Variants in DDIAS observed in about 807,000 individuals in gnomAD.
DDIAS encodes the protein DNA damage-induced apoptosis suppressor protein.
A neutral mutation model predicts 15.7 loss-of-function variants in DDIAS; 14 were observed. That is an observed-to-expected ratio of 0.89 (90% CI 0.59 to 1.39). The LOEUF (loss-of-function observed/expected upper bound fraction) is 1.39, where lower values mean the gene tolerates loss of function less well. Ranked by LOEUF, DDIAS falls within the 40% of genes most tolerant of loss-of-function variation. The pLI, the probability that DDIAS is intolerant of heterozygous loss-of-function variation, is 0.00. For synonymous variants in DDIAS, 355 were observed against 395.9 expected (o/e 0.90, Z 1.23); for missense variants, 1,035 against 1,130.9 (o/e 0.92, Z 1.22).
At position 82,933,761 on chromosome 11, in the gene DDIAS, TA is replaced by T; in HGVS notation, c.2425del (p.Arg809GlyfsTer19). On this transcript the variant is annotated frameshift_variant, in exon 6 of 6. Transcript: ENST00000533655. LOFTEE classifies it low-confidence loss of function (END_TRUNC). Reference protein sequence around the residue: ...YSDLDGNYEKIRIFPENDKQQ... With the variant: ...YSDLDGNYEKXRIFPENDKQQ... ...GATCTTGATGGTAACTATGAAAAAA[TA>T]AGGATTTTCCCTGAAAATGACAAAC... The T allele has an allele frequency of 6.2e-7, 1 of 1,610,440 alleles. No individual in the cohort carries two copies. The highest frequency in any genetic ancestry group is 8.5e-7 in the Non-Finnish European group (1 of 1,179,170).
chr11:82,930,097 T>C lies in DDIAS; in HGVS notation c.276-60T>C, dbSNP rs1860950991. 3 of 973,794 alleles carry C rather than the reference T, an allele frequency of 3.1e-6. No individual in the cohort carries two copies. The South Asian group carries it at 4.6e-5, about 15-fold the overall frequency. The allele number at this position is 973,794 out of a possible 1,614,324, so 60.3% of individuals were successfully genotyped here. A position where few individuals can be genotyped will look rare whatever the true frequency, so the allele number is the denominator to read the frequency against. Reference sequence around the variant, plus strand: ...TTCAAATTAATTGTGTCTCTGACTTTATGGCAAGTAAAATTTCAAAGTTCA... The same window carrying C: ...TTCAAATTAATTGTGTCTCTGACTTCATGGCAAGTAAAATTTCAAAGTTCA... On this transcript the variant is annotated intron_variant, in intron 4 of 5. Transcript: ENST00000533655.
At chr11:82,909,048 G>A (rs1357990620) in intron 1 of DDIAS, among the ~76,000 whole-genome samples, 2 of 152,104 alleles carry the variant, frequency 1.3e-5, no homozygotes, top group Admixed American at 6.6e-5. Context: ...CTTTGATCTC[G>A]CACAAGAAAG....
intron 3 of DDIAS, among the ~76,000 whole-genome samples, chr11:82,927,656 CTGTT>C (rs1860890740): frequency 2.0e-5 from 3 of 152,182 alleles, no homozygotes; most frequent in Admixed American, 6.5e-5. Context: ...ACTATTCTGT[CTGTT>C]AAATAAAGTT....
At position 82,930,248 on chromosome 11, in the gene DDIAS, G is replaced by C; in HGVS notation, c.367G>C (p.Gly123Arg). ...TAAAGCAGTTGAAACTTGCTTTGTT[G>C]GACAAAGCTTTATTTTTGGAGTGAC... ...LTKAVETCFV[G>R]QSFIFGVTNF... The change falls in exon 5 of 6, where the codon GGA becomes CGA. Residue 123 changes from glycine (G) to arginine (R), a missense_variant. Gly to Arg is a moderately radical substitution (Grantham distance 125). Coordinates refer to ENST00000533655, the MANE Select transcript of DDIAS (RefSeq NM_145018.4). 1 of 1,588,054 alleles carries C rather than the reference G, an allele frequency of 6.3e-7. No homozygotes were observed. Among genetic ancestry groups the C allele is most frequent in the East Asian group, 2.2e-5 (1 of 44,472 alleles).
At chr11:82,915,751 C>T (rs993495947) in intron 3 of DDIAS, among the ~76,000 whole-genome samples, 1 of 152,144 alleles carries the variant, frequency 6.6e-6, no homozygotes, top group African/African-American at 2.4e-5. Context: ...TAAGTGATAG[C>T]ATGATAGTGT....
At chr11:82,926,912 G>A (rs1309648844) in intron 3 of DDIAS, among the ~76,000 whole-genome samples, 1 of 152,064 alleles carries the variant, frequency 6.6e-6, no homozygotes, top group African/African-American at 2.4e-5. Flanking sequence ...AATAGACATA[G>A]TTTTTTGAGG....
Position 82,933,138 on chromosome 11 carries a change from T to A in DDIAS, c.1800T>A (p.Tyr600Ter). Residue 600 changes from tyrosine to a stop codon, truncating the protein, a stop_gained, in exon 6 of 6, where the codon TAT becomes TAA. Coordinates refer to ENST00000533655, the MANE Select transcript of DDIAS (RefSeq NM_145018.4). LOFTEE classifies it low-confidence loss of function (END_TRUNC). Reference sequence around the variant, plus strand: ...TGACAACTCTGTGTTATAGGAAGTATAATGATGTCTCTGATCTTTGCAAAT... The same window carrying A: ...TGACAACTCTGTGTTATAGGAAGTAAAATGATGTCTCTGATCTTTGCAAAT... Reference protein sequence around the residue: ...EKLTTLCYRKYNDVSDLCKLE... With the variant: ...EKLTTLCYRK 1 of 1,608,918 alleles carries A rather than the reference T, an allele frequency of 6.2e-7. No homozygotes were observed.
chr11:82,930,414 A>G (rs758314944), intron 5 of DDIAS, 140 bp downstream of exon 5: 4 of 593,858 alleles, frequency 6.7e-6, no homozygotes, highest in African/African-American at 1.9e-5. Flanking sequence ...AAAATAGCCT[A>G]TAGGTGGTCT....
At chr11:82,922,154 TCTTAA>T (rs1484066064) in intron 3 of DDIAS, among the ~76,000 whole-genome samples, 1 of 152,196 alleles carries the variant, frequency 6.6e-6, no homozygotes, top group African/African-American at 2.4e-5. Flanking sequence ...CTTTCCTTTG[TCTTAA>T]CTTTAGATAA....
At chr11:82,903,290 G>GA (rs1860361147) in intron 1 of DDIAS, among the ~76,000 whole-genome samples, 1 of 152,208 alleles carries the variant, frequency 6.6e-6, no homozygotes, top group Non-Finnish European at 1.5e-5. Flanking sequence ...AGGGAAAAGT[G>GA]AATGATGGTT....
At chr11:82,907,338 A>G (rs1860450826) in intron 1 of DDIAS, among the ~76,000 whole-genome samples, 1 of 152,232 alleles carries the variant, frequency 6.6e-6, no homozygotes, top group Non-Finnish European at 1.5e-5. Context: ...ATACACTACA[A>G]TAGACAAAAC....
intron 2 of DDIAS, 86 bp downstream of exon 2, chr11:82,913,472 T>A (rs1860564072): frequency 8.0e-6 from 2 of 249,526 alleles, no homozygotes; most frequent in African/African-American, 2.4e-5. Flanking sequence ...CTTGAACTCC[T>A]GGGCTCAAGC....
At chr11:82,905,545 A>C (rs1020576397) in intron 1 of DDIAS, among the ~76,000 whole-genome samples, 3 of 152,140 alleles carry the variant, frequency 2.0e-5, no homozygotes, top group Admixed American at 1.3e-4. Context: ...ATACTTTCCT[A>C]ACTATCCTCT....
chr11:82,906,412 A>T (rs1860432780), intron 1 of DDIAS, among the ~76,000 whole-genome samples: 1 of 152,144 alleles, frequency 6.6e-6, no homozygotes, highest in Non-Finnish European at 1.5e-5. Context: ...ACCTTCCTTT[A>T]AAAGTATAGT....
Position 82,932,791 on chromosome 11 carries a change from A to G in DDIAS, c.1453A>G (p.Ile485Val), listed in dbSNP as rs755115505. The G allele has an allele frequency of 1.9e-6, 3 of 1,613,918 alleles. No individual in the cohort carries two copies. Among genetic ancestry groups the G allele is most frequent in the Non-Finnish European group, 2.5e-6 (3 of 1,180,024 alleles). The change falls in exon 6 of 6, where the codon ATA becomes GTA. Residue 485 changes from isoleucine to valine, a missense_variant. Physicochemically the swap from Ile to Val is conservative, Grantham distance 29 (BLOSUM62 3). Coordinates refer to ENST00000533655, the MANE Select transcript of DDIAS (RefSeq NM_145018.4). ...PPIALRSSQV[I>V]VKANCSKDDF... ...TATAGCTTTAAGATCATCACAAGTA[A>G]TAGTCAAAGCAAACTGTAGCAAAGA...
In DDIAS at chr11:82,916,612, C is replaced by T. The variant is rs186969144; in HGVS notation, c.113+1761C>T. Among the ~76,000 whole-genome samples, 61 of 152,116 alleles carry T rather than the reference C, an allele frequency of 4.0e-4. 1 individual carries two copies. The highest frequency in any genetic ancestry group is 5.1e-4 in the Non-Finnish European group (35 of 68,000). On this transcript the variant is annotated intron_variant, in intron 3 of 5. Transcript: ENST00000533655. ...AGTCATTTATTTTAAAGATAATCTG[C>T]AACAAAAATTTAGGTTGAACAATAA...
At chr11:82,923,493 AT>A (rs1860798818) in intron 3 of DDIAS, among the ~76,000 whole-genome samples, 1 of 152,192 alleles carries the variant, frequency 6.6e-6, no homozygotes, top group Non-Finnish European at 1.5e-5. Flanking sequence ...TGAACCTGAA[AT>A]TTTTAGTGAC....
At chr11:82,918,735 A>G (rs1043460739) in intron 3 of DDIAS, among the ~76,000 whole-genome samples, 7 of 152,054 alleles carry the variant, frequency 4.6e-5, no homozygotes, top group Non-Finnish European at 7.4e-5. Flanking sequence ...TGTGTTGTCT[A>G]TGATTTCTTT....
chr11:82,921,054 G>C (rs1161646510), intron 3 of DDIAS, among the ~76,000 whole-genome samples: 1 of 151,922 alleles, frequency 6.6e-6, no homozygotes, highest in African/African-American at 2.4e-5. Context: ...AAATTTGGGA[G>C]CTCCAGTGTT....
Sources: gnomAD v4.1 joint callset for allele counts (sites outside exome capture counted in the v4.1 genomes callset) on GRCh38, gnomAD v4.1.1 for gene constraint, MANE v1.5 for transcripts, NCBI Gene and HGNC (gene_info 2026-07-23, HGNC 2026-07-21) for gene names.